GSE1: variants seen among roughly 807,000 people sequenced by gnomAD.
The protein encoded by GSE1 is genetic suppressor element 1.
Under a neutral mutation model 112.6 loss-of-function variants are expected in GSE1, and 32 were observed. The observed-to-expected ratio is 0.28, with a 90% CI of 0.21 to 0.38. The LOEUF (loss-of-function observed/expected upper bound fraction) is 0.38, where lower values mean the gene tolerates loss of function less well. Ranked by LOEUF, GSE1 falls within the 10% of genes least tolerant of loss-of-function variation. The pLI is 1.00. For missense variants in GSE1, 2,348 were observed against 1,699.2 expected (o/e 1.38, Z -6.71); for synonymous variants, 1,115 against 735.6 (o/e 1.52, Z -8.35).
At chr16:85,211,207 G>T (rs1364283998) in intron 1 of GSE1, among the ~76,000 whole-genome samples, 1 of 152,190 alleles carries the variant, frequency 6.6e-6, no homozygotes, top group Non-Finnish European at 1.5e-5. Context: ...TCACTTCTAG[G>T]GGGGTACCCA....
intron 11 of GSE1, among the ~76,000 whole-genome samples, 168 bp downstream of exon 11, chr16:85,663,782 C>T (rs1157054936): frequency 6.6e-6 from 1 of 152,230 alleles, no homozygotes; most frequent in East Asian, 1.9e-4. Context: ...TCTTACAAGC[C>T]CTCCATAGCA....
At chr16:85,334,013 A>G (rs1394828561) in intron 1 of GSE1, among the ~76,000 whole-genome samples, 2 of 152,072 alleles carry the variant, frequency 1.3e-5, no homozygotes, top group Non-Finnish European at 2.9e-5. Context: ...CGGGATCAAC[A>G]CCGTCTGTCC....
chr16:85,270,481 G>A (rs533524772), intron 1 of GSE1, among the ~76,000 whole-genome samples: 2 of 148,988 alleles, frequency 1.3e-5, no homozygotes, highest in East Asian at 3.9e-4. Flanking sequence ...GGGATGCTTC[G>A]GTAGCCAGAG....
intron 1 of GSE1, among the ~76,000 whole-genome samples, chr16:85,279,692 C>T (rs751310890): frequency 8.5e-5 from 13 of 152,224 alleles, no homozygotes; most frequent in Non-Finnish European, 1.5e-4. Context: ...TGGTGCTGCC[C>T]GGCCTGCTCC....
chr16:85,552,244 C>T (rs1172603301), upstream of GSE1, among the ~76,000 whole-genome samples: 4 of 151,318 alleles, frequency 2.6e-5, no homozygotes, highest in African/African-American at 9.7e-5. Context: ...CCAGAATGGT[C>T]TCGATCTCCT....
Position 85,270,747 on chromosome 16 carries a change from G to A in GSE1, c.2284-86716G>A, listed in dbSNP as rs117424409. ...GCTCCCGCCAGCTGGAGAGAATGTC[G>A]CCCTGGGTGTTTCCGGGGTGGGAGA... is the stretch of plus-strand genomic sequence containing the variant. On this transcript the variant is annotated intron_variant, in intron 1 of 2. Transcript: ENST00000637419. Among the ~76,000 whole-genome samples the A allele has an allele frequency of 5.4e-3, 677 of 126,106 alleles. 35 individuals are homozygous for A. The East Asian group carries it at 0.071, about 13-fold the overall frequency. The allele number at this position is 126,106 out of a possible 152,430, so 82.7% of individuals were successfully genotyped here. A position where few individuals can be genotyped will look rare whatever the true frequency, so the allele number is the denominator to read the frequency against.
At chr16:85,378,138 G>A (rs1252898626) in intron 2 of GSE1, among the ~76,000 whole-genome samples, 2 of 152,198 alleles carry the variant, frequency 1.3e-5, no homozygotes, top group Non-Finnish European at 2.9e-5. Flanking sequence ...CCCTGGGCCA[G>A]TGGGGGCCAG....
intron 2 of GSE1, among the ~76,000 whole-genome samples, chr16:85,635,890 G>A (rs1974866): frequency 0.18 from 27,244 of 152,214 alleles, 2,951 homozygotes; most frequent in Non-Finnish European, 0.25. Flanking sequence ...GTTCAGACTC[G>A]CCTTCCCTCC....
At chr16:85,600,502 G>A (rs1326728081) in intron 1 of GSE1, among the ~76,000 whole-genome samples, 1 of 151,958 alleles carries the variant, frequency 6.6e-6, no homozygotes, top group Non-Finnish European at 1.5e-5. Flanking sequence ...GCAGTGGCTG[G>A]CTGTGGCTAA....
chr16:85,236,099 G>A (rs966244675), intron 1 of GSE1, among the ~76,000 whole-genome samples: 1 of 152,250 alleles, frequency 6.6e-6, no homozygotes, highest in South Asian at 2.1e-4. Context: ...CTGGCTGCCT[G>A]TGTGGCTCCC....
intron 2 of GSE1, among the ~76,000 whole-genome samples, chr16:85,481,054 C>T (rs916727405): frequency 7.9e-5 from 12 of 152,224 alleles, no homozygotes; most frequent in Non-Finnish European, 1.3e-4. Flanking sequence ...GCTCGGCCTC[C>T]GGCCTCGGTT....
chr16:85,257,296 G>T (rs1907190000), intron 1 of GSE1, among the ~76,000 whole-genome samples: 1 of 152,096 alleles, frequency 6.6e-6, no homozygotes, highest in Non-Finnish European at 1.5e-5. Flanking sequence ...TTTTAGTAGA[G>T]ATGGGGTTTC....
chr16:85,661,878 T>C (rs2052463660), intron 9 of GSE1, 113 bp downstream of exon 9: 2 of 1,094,710 alleles, frequency 1.8e-6, no homozygotes, highest in African/African-American at 1.6e-5. Context: ...TTGCCTGGGG[T>C]AGTCCCAGGC....
At chr16:85,426,538 A>G (rs28405051) in intron 2 of GSE1, among the ~76,000 whole-genome samples, 1 of 39,294 alleles carries the variant, frequency 2.5e-5, no homozygotes, top group South Asian at 9.5e-4. Context: ...GGGTGGATGG[A>G]TGGATGATTG....
At chr16:85,635,326 C>G (rs1213362435) in intron 2 of GSE1, among the ~76,000 whole-genome samples, 1 of 152,190 alleles carries the variant, frequency 6.6e-6, no homozygotes, top group African/African-American at 2.4e-5. Context: ...CTGGCTCTTC[C>G]TGGCAAACCA....
intron 1 of GSE1, among the ~76,000 whole-genome samples, chr16:85,277,841 CGGCCCCAGGACACCAGCT>C (rs1406349564): frequency 6.6e-6 from 1 of 152,240 alleles, no homozygotes; most frequent in African/African-American, 2.4e-5. Context: ...GACCCCAGGC[CGGCCCCAGGACACCAGCT>C]GCTGCTGGGC....
chr16:85,332,531 A>C (rs1334178800), intron 1 of GSE1, among the ~76,000 whole-genome samples: 1 of 152,002 alleles, frequency 6.6e-6, no homozygotes, highest in African/African-American at 2.4e-5. Context: ...GGTTAATATG[A>C]CTTACGGTGT....
At chr16:85,195,399 G>A (rs2074907823) in intron 1 of GSE1, among the ~76,000 whole-genome samples, 3 of 152,162 alleles carry the variant, frequency 2.0e-5, no homozygotes. Flanking sequence ...CTGGGACAGG[G>A]GTGGCAGCTG....
chr16:85,396,314 G>T (rs2047964617), intron 2 of GSE1, among the ~76,000 whole-genome samples: 1 of 152,264 alleles, frequency 6.6e-6, no homozygotes. Context: ...TGGCCGTGTT[G>T]TTTGGAGAGA....
Sources: gnomAD v4.1 joint callset for allele counts (sites outside exome capture counted in the v4.1 genomes callset) on GRCh38, gnomAD v4.1.1 for gene constraint, MANE v1.5 for transcripts, NCBI Gene and HGNC (gene_info 2026-07-23, HGNC 2026-07-21) for gene names.